Variants in LRRC3C observed in about 807,000 individuals in gnomAD.
The protein encoded by LRRC3C is leucine-rich repeat-containing protein 3C.
A neutral mutation model predicts 14.8 loss-of-function variants in LRRC3C; 11 were observed. The observed-to-expected ratio is 0.74, with a 90% CI of 0.47 to 1.23. LRRC3C has a LOEUF of 1.23. Among genes scored for constraint, LRRC3C ranks in the 50% most tolerant of loss-of-function variants. The pLI is 0.00. For synonymous variants in LRRC3C, 149 were observed against 161.5 expected (o/e 0.92, Z 0.59); for missense variants, 354 against 361.8 (o/e 0.98, Z 0.18).
At chr17:39,932,233 A>G (rs1169299759) in intron 1 of LRRC3C, among the ~76,000 whole-genome samples, 1 of 152,204 alleles carries the variant, frequency 6.6e-6, no homozygotes, top group African/African-American at 2.4e-5. Context: ...TGATCATGAT[A>G]ATACCCTCCT....
chr17:39,933,562 A>G (rs556211702), intron 1 of LRRC3C, among the ~76,000 whole-genome samples: 3 of 152,160 alleles, frequency 2.0e-5, no homozygotes, highest in Admixed American at 6.5e-5. Flanking sequence ...GTGAAACCCC[A>G]TCTCCACTAA....
At chr17:39,930,361 G>A (rs1978613592) in intron 1 of LRRC3C, among the ~76,000 whole-genome samples, 1 of 111,018 alleles carries the variant, frequency 9.0e-6, no homozygotes, top group Non-Finnish European at 1.7e-5. Context: ...TCAACTAAAA[G>A]TCTTATTTGG....
chr17:39,939,394 G>A, intron 2 of LRRC3C: 5 of 985,424 alleles, frequency 5.1e-6, no homozygotes, highest in Non-Finnish European at 6.0e-6. Context: ...GTGGAGACAT[G>A]TCTGTGCCTC....
At chr17:39,932,159 G>A (rs1978666959) in intron 1 of LRRC3C, among the ~76,000 whole-genome samples, 1 of 152,038 alleles carries the variant, frequency 6.6e-6, no homozygotes, top group African/African-American at 2.4e-5. Flanking sequence ...CAGTTACCTC[G>A]TTGCTAAAAG....
intron 2 of LRRC3C, among the ~76,000 whole-genome samples, chr17:39,938,669 C>T (rs1350231283): frequency 1.3e-5 from 2 of 151,860 alleles, no homozygotes; most frequent in South Asian, 2.1e-4. Context: ...GCATTCCAGC[C>T]CGGGCAACAC....
chr17:39,940,624 T>C (rs1463134104), intron 2 of LRRC3C, among the ~76,000 whole-genome samples: 2 of 152,012 alleles, frequency 1.3e-5, no homozygotes, highest in African/African-American at 4.8e-5. Context: ...ATTTTTTTTT[T>C]TTTTCTGGAG....
rs1978524613 is a variant in LRRC3C, at chr17:39,927,815, G to C, written c.-175+1G>C. On this transcript the variant is annotated splice_donor_variant, in intron 1 of 3. Transcript: ENST00000377924. LOFTEE classifies it low-confidence loss of function (5UTR_SPLICE). ...GGTCAGATCGGATGATAGAATTTTG[G>C]TGCGTAACAATTCCAACTTTTGCTT... 1 of 985,520 alleles carries C rather than the reference G, an allele frequency of 1.0e-6. No individual in the cohort carries two copies. Among genetic ancestry groups the C allele is most frequent in the Non-Finnish European group, 1.2e-6 (1 of 829,958 alleles). 61.0% of individuals were successfully genotyped at this position (985,520 alleles called of 1,614,324 possible).
intron 3 of LRRC3C, among the ~76,000 whole-genome samples, chr17:39,943,485 G>A (rs980163442): frequency 1.3e-5 from 2 of 152,148 alleles, no homozygotes; most frequent in South Asian, 2.1e-4. Flanking sequence ...ACACCCTGTC[G>A]CTCATCCGTC....
intron 1 of LRRC3C, among the ~76,000 whole-genome samples, chr17:39,928,463 G>T (rs1470851194): frequency 1.3e-5 from 2 of 152,208 alleles, no homozygotes; most frequent in East Asian, 3.8e-4. Context: ...CTCCAAGGTT[G>T]TGGGAACCCA....
rs180940211 is a variant in LRRC3C at position 39,931,339 on chromosome 17, G to A, written c.-175+3525G>A. On this transcript the variant is annotated intron_variant, in intron 1 of 3. Transcript: ENST00000377924. Reference sequence around the variant, plus strand: ...CACGTGCCTGTAATCCCAGCTACTCGGGAGGCTGAGGCAGGAGAATTACTT... The same window carrying A: ...CACGTGCCTGTAATCCCAGCTACTCAGGAGGCTGAGGCAGGAGAATTACTT... Among the ~76,000 whole-genome samples the A allele has an allele frequency of 2.2e-3, 333 of 151,136 alleles. 2 individuals carry two copies. The highest frequency in any genetic ancestry group is 7.5e-3 in the African/African-American group (308 of 41,136).
chr17:39,937,058 AC>A (rs759728015), intron 2 of LRRC3C, among the ~76,000 whole-genome samples: 5 of 151,262 alleles, frequency 3.3e-5, no homozygotes, highest in Non-Finnish European at 5.9e-5. Context: ...AATTGCTTGA[AC>A]CCAGGAGGCA....
chr17:39,944,472 C>G lies in LRRC3C; in HGVS notation c.566C>G (p.Ser189Ter). 1 of 1,486,966 alleles carries G rather than the reference C, an allele frequency of 6.7e-7. No individual in the cohort carries two copies. Among genetic ancestry groups the G allele is most frequent in the Admixed American group, 2.1e-5 (1 of 46,822 alleles). 92.1% of individuals were successfully genotyped at this position (1,486,966 alleles called of 1,614,324 possible). A position where few individuals can be genotyped will look rare whatever the true frequency, so the allele number is the denominator to read the frequency against. Residue 189 changes from serine to a stop codon, truncating the protein, a stop_gained, in exon 4 of 4, where the codon TCA becomes TGA. Coordinates refer to ENST00000377924, the MANE Select transcript of LRRC3C (RefSeq NM_001195545.2). LOFTEE classifies it high-confidence loss of function. Reference sequence around the variant, plus strand: ...ACTGGGACAGGCATCGTGTGTGGCTCAGGAGCCCGACCGGACCTCGTGGGG... The same window carrying G: ...ACTGGGACAGGCATCGTGTGTGGCTGAGGAGCCCGACCGGACCTCGTGGGG... ...PGTGTGIVCG[S>*]GARPDLVGQE...
chr17:39,940,252 G>A (rs1388595218), intron 2 of LRRC3C, among the ~76,000 whole-genome samples: 1 of 152,098 alleles, frequency 6.6e-6, no homozygotes, highest in East Asian at 1.9e-4. Context: ...CATCTGGTCT[G>A]GTCCCCATCA....
At position 39,944,676 on chromosome 17, in the gene LRRC3C, G is replaced by A. The variant is rs911786546; in HGVS notation, c.770G>A (p.Arg257Gln). 1.4e-4 allele frequency: 214 copies of A among 1,535,732 alleles called. No homozygotes were observed. The highest frequency in any genetic ancestry group is 1.7e-4 in the Non-Finnish European group (200 of 1,146,862). Residue 257 changes from arginine to glutamine, a missense_variant, in exon 4 of 4, where the codon CGG becomes CAG. Arg to Gln is a conservative substitution (Grantham distance 43). Transcript: ENST00000377924. ...NRDETRRSLK[R>Q]APVLPVRSED... is the part of the protein sequence containing the mutation. ...GATGAGACCAGGCGCTCCCTCAAGC[G>A]GGCCCCAGTGCTGCCCGTGCGTTCC...
Position 39,933,567 on chromosome 17 carries a change from C to T in LRRC3C, c.-174-2235C>T, listed in dbSNP as rs568786751. ...GGCTAACACAGTGAAACCCCATCTC[C>T]ACTAAAAATACAAAAATTAGCCGGG... On this transcript the variant is annotated intron_variant, in intron 1 of 3. Coordinates refer to ENST00000377924, the MANE Select transcript of LRRC3C (RefSeq NM_001195545.2). 2.0e-3 allele frequency among the ~76,000 whole-genome samples: 299 copies of T among 151,956 alleles called. 1 individual carries two copies. The highest frequency in any genetic ancestry group is 2.7e-3 in the South Asian group (13 of 4,806).
intron 1 of LRRC3C, among the ~76,000 whole-genome samples, chr17:39,932,527 A>ACCCCCCCCCCCCCCCCC (rs147624649): frequency 5.6e-5 from 4 of 71,302 alleles, no homozygotes; most frequent in African/African-American, 5.3e-5. Context: ...ACGTAATGAG[A>ACCCCCCCCCCCCCCCCC]CCCCCCCCCC....
At chr17:39,927,932 T>G in intron 1 of LRRC3C, 118 bp downstream of exon 1, 1 of 922,580 alleles carries the variant, frequency 1.1e-6, no homozygotes, top group Non-Finnish European at 1.3e-6. Context: ...CTTTGCTGGG[T>G]CCTAGACTGG....
intron 1 of LRRC3C, among the ~76,000 whole-genome samples, chr17:39,934,437 C>T (rs966018905): frequency 3.9e-5 from 6 of 152,160 alleles, no homozygotes; most frequent in African/African-American, 1.4e-4. Flanking sequence ...CCACCGTTCC[C>T]AGATCACCTT....
chr17:39,944,309 C>T lies in LRRC3C; in HGVS notation c.403C>T (p.Leu135Phe). Residue 135 changes from leucine (L) to phenylalanine (F), a missense_variant, in exon 4 of 4, where the codon CTC (leucine) becomes TTC (phenylalanine). Physicochemically the swap from Leu to Phe is conservative, Grantham distance 22. Transcript: ENST00000377924. ...GGAGGGCACATTGCGCCACCTCGAC[C>T]TCTCTGCCAACCAGCTGGCCTCAGT... is the stretch of plus-strand genomic sequence containing the variant. ...GLEGTLRHLD[L>F]SANQLASVPV... 6.5e-7 allele frequency: 1 copy of T among 1,535,702 alleles called. No homozygotes were observed. The highest frequency in any genetic ancestry group is 8.7e-7 in the Non-Finnish European group (1 of 1,146,778).
Sources: allele counts gnomAD v4.1 joint callset (sites outside exome capture counted in the v4.1 genomes callset), GRCh38; gene constraint gnomAD v4.1.1; transcripts MANE v1.5; gene names NCBI Gene and HGNC (gene_info 2026-07-23, HGNC 2026-07-21).